MKLN1: variants seen among roughly 807,000 people sequenced by gnomAD.
MKLN1 encodes muskelin 1.
Under a neutral mutation model 99.0 loss-of-function variants are expected in MKLN1, and 18 were observed. That is an observed-to-expected ratio of 0.18 (90% CI 0.13 to 0.27). The LOEUF (loss-of-function observed/expected upper bound fraction) is 0.27, where lower values mean the gene tolerates loss of function less well. MKLN1 is among the 10% of genes least tolerant of loss of function. MKLN1 has a pLI of 1.00. For synonymous variants in MKLN1, 288 were observed against 293.2 expected, an observed-to-expected ratio of 0.98 and a Z score of 0.18; for missense variants, 621 against 875.9, an observed-to-expected ratio of 0.71 and a Z score of 3.67.
Position 131,482,361 on chromosome 7 carries a change from A to AT in MKLN1, c.2086+3693dup, listed in dbSNP as rs200770948. On this transcript the variant is annotated intron_variant, in intron 17 of 17. Transcript: ENST00000352689. ...TGGCATGCACAACCATGCTGAGCTA[A>AT]TTTTTTTTTCCTTTTTTACATTTTT... Among the ~76,000 whole-genome samples, 17 of 151,288 alleles carry AT rather than the reference A, an allele frequency of 1.1e-4. No homozygotes were observed. In the East Asian group the frequency reaches 2.7e-3, roughly 24 times the overall value.
intron 3 of MKLN1, among the ~76,000 whole-genome samples, chr7:131,317,549 A>G (rs1798692085): frequency 6.6e-6 from 1 of 152,174 alleles, no homozygotes; most frequent in Non-Finnish European, 1.5e-5. Flanking sequence ...TGCATCAACT[A>G]ATGTGTAAAA....
At chr7:131,258,147 C>CTT (rs34365316) in intron 3 of MKLN1, among the ~76,000 whole-genome samples, 17 of 145,504 alleles carry the variant, frequency 1.2e-4, no homozygotes, top group Admixed American at 2.1e-4. Flanking sequence ...AAAAAAGCTC[C>CTT]TTTTTTTTTT....
chr7:131,212,165 T>C (rs1796915209), intron 3 of MKLN1, among the ~76,000 whole-genome samples: 1 of 152,230 alleles, frequency 6.6e-6, no homozygotes, highest in South Asian at 2.1e-4. Context: ...AACTTCTTTC[T>C]AAATACTGTA....
chr7:131,408,636 G>A (rs759919382), intron 6 of MKLN1, among the ~76,000 whole-genome samples: 3 of 152,006 alleles, frequency 2.0e-5, no homozygotes, highest in East Asian at 1.9e-4. Flanking sequence ...GTGTATGTGG[G>A]CATGTGTGTG....
intron 1 of MKLN1, among the ~76,000 whole-genome samples, chr7:131,351,726 A>G (rs1227522173): frequency 6.6e-6 from 1 of 152,060 alleles, no homozygotes; most frequent in Non-Finnish European, 1.5e-5. Flanking sequence ...GGCCTCCATC[A>G]GTTTTTTAGA....
At chr7:131,203,831 G>A (rs1796765504) in intron 3 of MKLN1, among the ~76,000 whole-genome samples, 1 of 152,142 alleles carries the variant, frequency 6.6e-6, no homozygotes, top group African/African-American at 2.4e-5. Context: ...ACACTGGCCT[G>A]CAGTCTTTTG....
intron 12 of MKLN1, among the ~76,000 whole-genome samples, chr7:131,453,160 A>G (rs749070916): frequency 1.1e-4 from 16 of 152,302 alleles, no homozygotes; most frequent in African/African-American, 3.6e-4. Context: ...AGTATTTTAT[A>G]TTTTTAGATA....
chr7:131,121,194 G>C (rs1248928023), intron 1 of MKLN1, among the ~76,000 whole-genome samples: 2 of 152,082 alleles, frequency 1.3e-5, no homozygotes, highest in Non-Finnish European at 2.9e-5. Context: ...CAGATCTCGT[G>C]AGAACTCACT....
chr7:131,352,105 A>AT (rs758705640), intron 1 of MKLN1, among the ~76,000 whole-genome samples: 2 of 152,070 alleles, frequency 1.3e-5, no homozygotes, highest in Admixed American at 6.5e-5. Context: ...TGTCTAATTA[A>AT]TTTTTTCTTT....
At position 131,255,880 on chromosome 7, in the gene MKLN1, CTATTTATTTATTTATT is replaced by C. The variant is rs3077583; in HGVS notation, c.-179+52932_-179+52947del. On this transcript the variant is annotated intron_variant, in intron 3 of 7. Transcript: ENST00000416992. Reference sequence around the variant, plus strand: ...ACAGGTGTGAGCCACTGTGCCCGACCTATTTATTTATTTATTTATTTATTTATTTATTTATTTATTT... The same window carrying C: ...ACAGGTGTGAGCCACTGTGCCCGACCTATTTATTTATTTATTTATTTATTT... 5.9e-5 allele frequency among the ~76,000 whole-genome samples: 8 copies of C among 135,368 alleles called. No homozygotes were observed. In the East Asian group the frequency reaches 8.6e-4, roughly 14 times the overall value. 88.8% of individuals were successfully genotyped at this position (135,368 alleles called of 152,430 possible).
At chr7:131,436,092 T>C (rs1473068209) in intron 9 of MKLN1, among the ~76,000 whole-genome samples, 3 of 152,190 alleles carry the variant, frequency 2.0e-5, no homozygotes, top group Admixed American at 2.0e-4. Context: ...AAATCAAATT[T>C]TCACCTTATT....
intron 15 of MKLN1, among the ~76,000 whole-genome samples, chr7:131,468,455 CTTATT>C (rs1796720290): frequency 6.6e-6 from 1 of 151,924 alleles, no homozygotes. Context: ...GTTAGACTGG[CTTATT>C]TTTGTTTTGT....
chr7:131,185,268 A>G (rs1796432013), intron 2 of MKLN1, among the ~76,000 whole-genome samples: 1 of 151,994 alleles, frequency 6.6e-6, no homozygotes, highest in African/African-American at 2.4e-5. Flanking sequence ...GTTCTCAAAG[A>G]TGCATCTTTT....
chr7:131,188,925 G>A (rs1262020485), intron 2 of MKLN1, among the ~76,000 whole-genome samples: 1 of 152,170 alleles, frequency 6.6e-6, no homozygotes, highest in Non-Finnish European at 1.5e-5. Flanking sequence ...CAGCTAAGAG[G>A]ACCACTATCT....
At chr7:131,401,034 T>C (rs1234584415) in intron 6 of MKLN1, among the ~76,000 whole-genome samples, 1 of 152,096 alleles carries the variant, frequency 6.6e-6, no homozygotes, top group Admixed American at 6.6e-5. Context: ...AAGTAAACAG[T>C]GCAGAGTTTT....
At chr7:131,419,793 G>A (rs2398771) in intron 8 of MKLN1, among the ~76,000 whole-genome samples, 73,038 of 151,944 alleles carry the variant, frequency 0.48, 17,924 homozygotes, top group East Asian at 0.67. Context: ...AGAGTGGGAA[G>A]AGGTGAAATC....
chr7:131,292,233 A>G (rs1048672788), intron 3 of MKLN1, among the ~76,000 whole-genome samples: 1 of 152,228 alleles, frequency 6.6e-6, no homozygotes, highest in East Asian at 1.9e-4. Context: ...AGCAAAAGCC[A>G]TGCTTTCAAA....
At chr7:131,289,752 G>T (rs983520654) in intron 3 of MKLN1, among the ~76,000 whole-genome samples, 1 of 152,162 alleles carries the variant, frequency 6.6e-6, no homozygotes. Flanking sequence ...GGGAGAATTA[G>T]TTAATATCTT....
intron 3 of MKLN1, among the ~76,000 whole-genome samples, chr7:131,228,714 G>C (rs1319225361): frequency 6.6e-6 from 1 of 152,152 alleles, no homozygotes; most frequent in Non-Finnish European, 1.5e-5. Flanking sequence ...TTCAAATGTT[G>C]AAACACTGTA....
Sources: gnomAD v4.1 joint callset for allele counts (sites outside exome capture counted in the v4.1 genomes callset) on GRCh38, gnomAD v4.1.1 for gene constraint, MANE v1.5 for transcripts, NCBI Gene and HGNC (gene_info 2026-07-23, HGNC 2026-07-21) for gene names.